SPTBN2: variants seen among roughly 807,000 people sequenced by gnomAD.
SPTBN2 encodes the protein spectrin beta chain, non-erythrocytic 2.
A neutral mutation model predicts 284.2 loss-of-function variants in SPTBN2; 107 were observed. That is an observed-to-expected ratio of 0.38 (90% CI 0.32 to 0.44). SPTBN2 has a LOEUF of 0.44. Among genes scored for constraint, SPTBN2 ranks in the 20% least tolerant of loss-of-function variants. SPTBN2 has a pLI of 1.00. For missense variants in SPTBN2, 2,569 were observed against 3,287.1 expected (o/e 0.78, Z 5.34); for synonymous variants, 1,289 against 1,354.8 (o/e 0.95, Z 1.07).
chr11:66,715,016 G>T lies in SPTBN2; in HGVS notation c.483+206C>A, dbSNP rs1384709108. Among the ~76,000 whole-genome samples the T allele has an allele frequency of 6.6e-6, 1 of 152,214 alleles. No homozygotes were observed. Among genetic ancestry groups the T allele is most frequent in the Non-Finnish European group, 1.5e-5 (1 of 68,050 alleles). On this transcript the variant is annotated intron_variant, in intron 5 of 37. Coordinates refer to ENST00000533211, the MANE Select transcript of SPTBN2 (RefSeq NM_006946.4). This position sits in a 1 kb window ranked among gnomAD's most constrained non-coding sequence, Gnocchi z 5.3. ...AGAACACAGGGAATTTGCCACAGGG[G>T]TGTGACATTCACCCAAGCTGGTTTC...
At chr11:66,719,207 C>T (rs557751121) in intron 3 of SPTBN2, among the ~76,000 whole-genome samples, 2 of 152,370 alleles carry the variant, frequency 1.3e-5, no homozygotes, top group South Asian at 4.1e-4. Flanking sequence ...TTTTCCTTCA[C>T]TCCCTCATCT....
rs150801133 is a variant in SPTBN2 at position 66,693,406 on chromosome 11, G to A, written c.4634C>T (p.Ala1545Val). 1.4e-4 allele frequency: 228 copies of A among 1,600,196 alleles called. No individual in the cohort carries two copies. Among genetic ancestry groups the A allele is most frequent in the Non-Finnish European group, 1.8e-4 (207 of 1,179,862 alleles). The stretch of plus-strand genomic sequence containing the variant: ...AGCACGCTGCCGCTCCCTCAGGTCC[G>A]CGATCCGGGGCTCATGGCCCTGAAT... ...KEIQGHEPRI[A>V]DLRERQRALG... Residue 1545 changes from alanine (A) to valine (V), a missense_variant, in exon 24 of 38, where the codon GCG (alanine) becomes GTG (valine). Transcript: ENST00000533211. This position sits in a 1 kb window ranked among gnomAD's most constrained non-coding sequence, Gnocchi z 5.7.
At chr11:66,699,226 T>C in intron 18 of SPTBN2, 144 bp from the exon 19 acceptor site, 1 of 1,307,458 alleles carries the variant, frequency 7.6e-7, no homozygotes, top group Non-Finnish European at 1.1e-6. Context: ...CTGACTTCCT[T>C]TTAGCCCTGG....
In SPTBN2 at chr11:66,688,294, C is replaced by T. The variant is rs756984687; in HGVS notation, c.6249G>A (p.Lys2083=). Residue 2083 remains lysine (K), a synonymous_variant, in exon 32 of 38, where the codon AAG becomes AAA. Coordinates refer to ENST00000533211, the MANE Select transcript of SPTBN2 (RefSeq NM_006946.4). ...EKLTALEERE[K]ERKRKREEEE... ...CCTCCTCCCTCTTTCTCTTTCGCTCCTTCTCCCGCTCCTCTAGCTGTCAAA... is the reference window on the plus strand; with the variant it reads ...CCTCCTCCCTCTTTCTCTTTCGCTCTTTCTCCCGCTCCTCTAGCTGTCAAA... 8 of 1,601,502 alleles carry T rather than the reference C, an allele frequency of 5.0e-6. No homozygotes were observed. The highest frequency in any genetic ancestry group is 5.1e-6 in the Non-Finnish European group (6 of 1,174,048).
chr11:66,696,137 T>A (rs1234674759), intron 21 of SPTBN2, 140 bp downstream of exon 21: 13 of 1,105,618 alleles, frequency 1.2e-5, no homozygotes, highest in Admixed American at 2.0e-5. Context: ...GAGATTCTGA[T>A]ACTGGCTGCC....
chr11:66,703,528 C>T (rs1335870809), intron 15 of SPTBN2, among the ~76,000 whole-genome samples: 2 of 151,992 alleles, frequency 1.3e-5, no homozygotes, highest in African/African-American at 2.4e-5. Context: ...GTCAGGAGAT[C>T]GAGACCATCC....
intron 31 of SPTBN2, 131 bp downstream of exon 31, chr11:66,688,522 T>C (rs1940310379): frequency 6.8e-7 from 1 of 1,460,308 alleles, no homozygotes; most frequent in African/African-American, 1.4e-5. Flanking sequence ...GTGGTGACAA[T>C]GGCACTCTCA....
intron 8 of SPTBN2, among the ~76,000 whole-genome samples, chr11:66,712,065 G>A: frequency 6.6e-6 from 1 of 152,326 alleles, no homozygotes; most frequent in Non-Finnish European, 1.5e-5. Flanking sequence ...GGCAGCGGAG[G>A]AAACAGGCTC....
In SPTBN2 at chr11:66,693,053, C is replaced by T; in HGVS notation, c.4902G>A (p.Glu1634=). Reference sequence around the variant, plus strand: ...TCTGCGCGTAGTCGGCCAGGGCTTGCTCCAGCACCTGGTGCTTCTTCACCT... The same window carrying T: ...TCTGCGCGTAGTCGGCCAGGGCTTGTTCCAGCACCTGGTGCTTCTTCACCT... The part of the protein sequence containing the change: ...QAEVKKHQVL[E]QALADYAQTI... Residue 1634 remains glutamate (E), a synonymous_variant, in exon 25 of 38, where the codon GAG becomes GAA. Transcript: ENST00000533211. The surrounding 1 kb of genome is among the most constrained non-coding windows in gnomAD (Gnocchi z 5.7). 1 of 1,613,974 alleles carries T rather than the reference C, an allele frequency of 6.2e-7. No individual in the cohort carries two copies. Among genetic ancestry groups the T allele is most frequent in the Middle Eastern group, 1.7e-4 (1 of 6,058 alleles).
chr11:66,721,403 TCAG>T lies in SPTBN2; in HGVS notation c.-79_-77del. On this transcript the variant is annotated 5_prime_UTR_variant, in exon 2 of 38. It removes the in-frame stop codon of an upstream open reading frame in the 5' UTR. Transcript: ENST00000533211. ...GCTGCGGTTGGCTGCTCAGTGGAAA[TCAG>T]CCCCCAGGGGAAGAGGGGAAGCCAC... The T allele has an allele frequency of 1.0e-6, 1 of 967,018 alleles. No homozygotes were observed. 59.9% of individuals were successfully genotyped at this position (967,018 alleles called of 1,614,324 possible).
At position 66,700,683 on chromosome 11, in the gene SPTBN2, T is replaced by TG; in HGVS notation, c.3415dup (p.Gln1139ProfsTer47). On this transcript the variant is annotated frameshift_variant, in exon 17 of 38. Transcript: ENST00000533211. LOFTEE classifies it high-confidence loss of function. This position sits in a 1 kb window ranked among gnomAD's most constrained non-coding sequence, Gnocchi z 6.6. ...CAGTCGCTGTCGTAGGAAGAGGCAC[T>TG]GGGGGTCAGCCTGGTCCCGGGTCAC... 6.2e-7 allele frequency: 1 copy of TG among 1,606,376 alleles called. No individual in the cohort carries two copies. Among genetic ancestry groups the TG allele is most frequent in the Non-Finnish European group, 8.5e-7 (1 of 1,179,902 alleles).
At position 66,701,113 on chromosome 11, in the gene SPTBN2, C is replaced by T; in HGVS notation, c.2986G>A (p.Ala996Thr). The T allele has an allele frequency of 6.2e-7, 1 of 1,613,052 alleles. No individual in the cohort carries two copies. The highest frequency in any genetic ancestry group is 8.5e-7 in the Non-Finnish European group (1 of 1,180,048). Residue 996 changes from alanine (A) to threonine (T), a missense_variant, in exon 17 of 38, where the codon GCC becomes ACC. This residue lies in a region of SPTBN2 where 1,012 missense variants were observed against 1,248.9 expected (regional missense o/e 0.81). Transcript: ENST00000533211. ...GTGCCGGCCAGCTTGCGCTGCAGGG[C>T]CAGCACCCCAGCCAGATCGTTGCCT... is the stretch of plus-strand genomic sequence containing the variant. Reference protein sequence around the residue: ...GLGNDLAGVLALQRKLAGTER... With the variant: ...GLGNDLAGVLTLQRKLAGTER...
chr11:66,688,370 CAG>C (rs1324067139), intron 31 of SPTBN2, 59 bp from the exon 32 acceptor site: 132 of 1,548,024 alleles, frequency 8.5e-5, no homozygotes, highest in Admixed American at 1.8e-4. Flanking sequence ...GCCAGGGAAA[CAG>C]GGAGAGCTGA....
chr11:66,687,458 TCTC>T lies in SPTBN2; in HGVS notation c.6688_6690del (p.Glu2230del). 1.2e-6 allele frequency: 2 copies of T among 1,608,854 alleles called. No homozygotes were observed. The highest frequency in any genetic ancestry group is 1.7e-6 in the Non-Finnish European group (2 of 1,179,950). ...GCAGCCTTCTTCCCGAAGGCCTCCA[TCTC>T]CTGCTTGCGGCACAGCATCCCCTCC... is the stretch of plus-strand genomic sequence containing the variant. On this transcript the variant is annotated inframe_deletion, in exon 35 of 38. Transcript: ENST00000533211. The surrounding 1 kb of genome is among the most constrained non-coding windows in gnomAD (Gnocchi z 5.2).
intron 1 of SPTBN2, among the ~76,000 whole-genome samples, chr11:66,722,119 C>T (rs1302630392): frequency 1.3e-5 from 2 of 152,200 alleles, no homozygotes; most frequent in African/African-American, 2.4e-5. Context: ...ATGCTTCTCT[C>T]CGCTTTGTTT....
intron 32 of SPTBN2, 33 bp from the exon 33 acceptor site, chr11:66,688,112 G>A: frequency 6.2e-7 from 1 of 1,613,820 alleles, no homozygotes; most frequent in Non-Finnish European, 8.5e-7. Context: ...AGAATCATTA[G>A]TCCCTGGGTG....
intron 5 of SPTBN2, among the ~76,000 whole-genome samples, 168 bp from the exon 6 acceptor site, chr11:66,714,575 G>A (rs1050581519): frequency 6.6e-6 from 1 of 152,240 alleles, no homozygotes; most frequent in Non-Finnish European, 1.5e-5. Flanking sequence ...AACACTGGGT[G>A]CAAGGGATTT....
intron 16 of SPTBN2, 40 bp downstream of exon 16, chr11:66,701,543 AT>A: frequency 6.2e-7 from 1 of 1,613,452 alleles, no homozygotes; most frequent in Non-Finnish European, 8.5e-7. Flanking sequence ...CCATTGCTTC[AT>A]TTTTCTGTCA....
intron 1 of SPTBN2, among the ~76,000 whole-genome samples, chr11:66,734,888 T>G (rs1565166410): frequency 6.6e-6 from 1 of 152,236 alleles, no homozygotes; most frequent in Non-Finnish European, 1.5e-5. Flanking sequence ...TTATCCCTAA[T>G]CTATCTCCAT....
Sources: allele counts gnomAD v4.1 joint callset (sites outside exome capture counted in the v4.1 genomes callset), GRCh38; gene constraint gnomAD v4.1.1; regional missense constraint gnomAD v4.1.1; non-coding constraint Gnocchi (gnomAD v3.1); transcripts MANE v1.5; gene names NCBI Gene and HGNC (gene_info 2026-07-23, HGNC 2026-07-21).